ITGBL1: variants seen among roughly 807,000 people sequenced by gnomAD.
ITGBL1 encodes the protein integrin subunit beta like 1.
ITGBL1 carries 51 observed loss-of-function variants against 68.5 expected under a neutral mutation model. The observed-to-expected ratio is 0.74, with a 90% CI of 0.59 to 0.94. The LOEUF (loss-of-function observed/expected upper bound fraction) is 0.94, where lower values mean the gene tolerates loss of function less well. Among genes scored for constraint, ITGBL1 ranks in the 40% least tolerant of loss-of-function variants. The pLI is 0.00. For synonymous variants in ITGBL1, 209 were observed against 227.3 expected, an observed-to-expected ratio of 0.92 and a Z score of 0.72; for missense variants, 649 against 647.4, an observed-to-expected ratio of 1.00 and a Z score of -0.03.
At chr13:101,488,868 C>G (rs1270289897) in intron 2 of ITGBL1, among the ~76,000 whole-genome samples, 1 of 152,084 alleles carries the variant, frequency 6.6e-6, no homozygotes, top group Admixed American at 6.6e-5. Flanking sequence ...CCTTTTCTTT[C>G]ATTTGTGACT....
At chr13:101,603,091 A>G (rs1053739451) in intron 7 of ITGBL1, among the ~76,000 whole-genome samples, 3 of 151,966 alleles carry the variant, frequency 2.0e-5, no homozygotes, top group African/African-American at 7.2e-5. Flanking sequence ...TGGGGTCTGT[A>G]TCTGTGAGTG....
chr13:101,624,827 T>C (rs749630216), intron 7 of ITGBL1, among the ~76,000 whole-genome samples: 6 of 152,330 alleles, frequency 3.9e-5, no homozygotes, highest in Non-Finnish European at 8.8e-5. Flanking sequence ...GCATCATTCA[T>C]GACGTGGCTA....
At chr13:101,531,172 T>A (rs1288574449) in intron 2 of ITGBL1, among the ~76,000 whole-genome samples, 1 of 152,144 alleles carries the variant, frequency 6.6e-6, no homozygotes, top group African/African-American at 2.4e-5. Flanking sequence ...TAAAAAAACG[T>A]ATACTAGTTG....
downstream of ITGBL1, chr13:101,720,389 A>G (rs181747939): frequency 1.1e-4 from 16 of 152,282 alleles, no homozygotes; most frequent in Non-Finnish European, 2.1e-4. Context: ...AAAACACAAC[A>G]GAGATACACA....
intron 2 of ITGBL1, among the ~76,000 whole-genome samples, chr13:101,482,466 ACT>A (rs947412026): frequency 6.6e-6 from 1 of 151,838 alleles, no homozygotes; most frequent in African/African-American, 2.4e-5. Flanking sequence ...TCAGAAACCT[ACT>A]CTCTTTTATA....
chr13:101,475,740 G>C (rs1171939985), intron 2 of ITGBL1, among the ~76,000 whole-genome samples: 1 of 127,788 alleles, frequency 7.8e-6, no homozygotes, highest in Non-Finnish European at 1.6e-5. Context: ...CTTCTCAGTG[G>C]AAACCCTACA....
intron 7 of ITGBL1, among the ~76,000 whole-genome samples, chr13:101,654,690 C>T (rs2032863754): frequency 6.6e-6 from 1 of 152,100 alleles, no homozygotes; most frequent in Admixed American, 6.5e-5. Flanking sequence ...AAGTTCAATA[C>T]ACACGTCTGA....
At chr13:101,474,373 G>T (rs1411028552) in intron 2 of ITGBL1, among the ~76,000 whole-genome samples, 1 of 152,146 alleles carries the variant, frequency 6.6e-6, no homozygotes, top group African/African-American at 2.4e-5. Flanking sequence ...ACTTTGTTTT[G>T]CAGCTTGGGT....
At chr13:101,695,472 CA>C (rs1253708588) in intron 8 of ITGBL1, among the ~76,000 whole-genome samples, 2 of 152,160 alleles carry the variant, frequency 1.3e-5, no homozygotes, top group Non-Finnish European at 2.9e-5. Flanking sequence ...GACAGGAAAC[CA>C]AAGGAAGGGC....
chr13:101,470,550 C>A (rs1594828927), intron 2 of ITGBL1, among the ~76,000 whole-genome samples: 2 of 152,188 alleles, frequency 1.3e-5, no homozygotes, highest in East Asian at 3.9e-4. Context: ...TTGTGTGCAT[C>A]TCAACATTTA....
intron 2 of ITGBL1, among the ~76,000 whole-genome samples, chr13:101,529,475 C>T (rs1015523340): frequency 2.0e-5 from 3 of 152,150 alleles, no homozygotes; most frequent in Non-Finnish European, 2.9e-5. Context: ...AACTGGGCAT[C>T]CAGAAAGAAC....
intron 2 of ITGBL1, among the ~76,000 whole-genome samples, chr13:101,558,445 G>A (rs1238975768): frequency 2.0e-5 from 3 of 152,152 alleles, no homozygotes; most frequent in African/African-American, 7.2e-5. Context: ...AACATGCACT[G>A]CTACCCCCTG....
Position 101,706,907 on chromosome 13 carries a change from G to A in ITGBL1, c.1279+5G>A. On this transcript the variant is annotated splice_donor_5th_base_variant and intron_variant, in intron 9 of 10. Transcript: ENST00000376180. ...GCATATTGTGCTCGGGGAAGGGTGAGTATCTCTGCTGGTGCCTGGACTCCA... is the reference window on the plus strand; with the variant it reads ...GCATATTGTGCTCGGGGAAGGGTGAATATCTCTGCTGGTGCCTGGACTCCA... 6.2e-7 allele frequency: 1 copy of A among 1,613,164 alleles called. No individual in the cohort carries two copies. The highest frequency in any genetic ancestry group is 8.5e-7 in the Non-Finnish European group (1 of 1,179,290).
At chr13:101,555,262 T>C (rs2049985628) in intron 2 of ITGBL1, among the ~76,000 whole-genome samples, 1 of 152,240 alleles carries the variant, frequency 6.6e-6, no homozygotes, top group Admixed American at 6.5e-5. Context: ...TGCATATTCA[T>C]TTATAATTTA....
intron 8 of ITGBL1, among the ~76,000 whole-genome samples, chr13:101,702,914 C>T (rs547294546): frequency 4.6e-5 from 7 of 152,206 alleles, no homozygotes; most frequent in South Asian, 2.1e-4. Flanking sequence ...TAGATAGGGG[C>T]GTAGGGGTGC....
chr13:101,570,132 T>C (rs1387862014), intron 3 of ITGBL1, among the ~76,000 whole-genome samples: 1 of 152,172 alleles, frequency 6.6e-6, no homozygotes, highest in Non-Finnish European at 1.5e-5. Context: ...TTATCAGTTA[T>C]TTGTTATTTC....
chr13:101,693,996 A>T (rs920587544), intron 8 of ITGBL1, among the ~76,000 whole-genome samples: 7 of 152,148 alleles, frequency 4.6e-5, no homozygotes, highest in Non-Finnish European at 8.8e-5. Flanking sequence ...CATGGCAGCC[A>T]CCCTAAGAGA....
intron 5 of ITGBL1, among the ~76,000 whole-genome samples, chr13:101,579,962 G>A (rs1283270139): frequency 1.3e-5 from 2 of 152,134 alleles, no homozygotes; most frequent in African/African-American, 2.4e-5. Context: ...CATAGGAAAT[G>A]TACACTGACT....
intron 2 of ITGBL1, among the ~76,000 whole-genome samples, chr13:101,462,446 G>A (rs983833756): frequency 1.3e-5 from 2 of 152,218 alleles, no homozygotes; most frequent in Non-Finnish European, 2.9e-5. Flanking sequence ...CACTCTGTAT[G>A]TGTGAATGGC....
Sources: gnomAD v4.1 joint callset for allele counts (sites outside exome capture counted in the v4.1 genomes callset) on GRCh38, gnomAD v4.1.1 for gene constraint, MANE v1.5 for transcripts, NCBI Gene and HGNC (gene_info 2026-07-23, HGNC 2026-07-21) for gene names.